DRGX: variants seen among roughly 807,000 people sequenced by gnomAD.
DRGX encodes the protein dorsal root ganglia homeobox protein.
In DRGX, 21 loss-of-function variants were observed where a neutral mutation model predicts 28.6. That is an observed-to-expected ratio of 0.73 (90% CI 0.52 to 1.06). The LOEUF (loss-of-function observed/expected upper bound fraction) is 1.06, where lower values mean the gene tolerates loss of function less well. DRGX is among the 50% of genes least tolerant of loss of function. The pLI is 0.00. For synonymous variants in DRGX, 136 were observed against 139.1 expected, an observed-to-expected ratio of 0.98 and a Z score of 0.16; for missense variants, 354 against 343.9, an observed-to-expected ratio of 1.03 and a Z score of -0.23.
In DRGX at chr10:49,395,477, G is replaced by A; in HGVS notation, c.-37C>T. ...AGATCGGCTGGACGGCCGAGACCTGGGAGGGTGGCAGCAGAACGGACCCGC... is the reference window on the plus strand; with the variant it reads ...AGATCGGCTGGACGGCCGAGACCTGAGAGGGTGGCAGCAGAACGGACCCGC... On this transcript the variant is annotated 5_prime_UTR_variant, in exon 2 of 7. Transcript: ENST00000374139. The A allele has an allele frequency of 6.5e-7, 1 of 1,549,322 alleles. No homozygotes were observed. The highest frequency in any genetic ancestry group is 1.2e-5 in the South Asian group (1 of 84,056).
At chr10:49,368,857 A>G (rs1199541869) in intron 6 of DRGX, among the ~76,000 whole-genome samples, 1 of 152,284 alleles carries the variant, frequency 6.6e-6, no homozygotes, top group Admixed American at 6.5e-5. Flanking sequence ...GTTAAAAAGA[A>G]GGAAGGCTAA....
rs1266101168 is a variant in DRGX at position 49,373,335 on chromosome 10, T to C, written c.527-6954A>G. 2.0e-5 allele frequency among the ~76,000 whole-genome samples: 3 copies of C among 152,098 alleles called. No homozygotes were observed. The East Asian group carries it at 5.8e-4, about 29-fold the overall frequency. ...TGAAATAAGACATTTAAAAAATAGGTAAAAGAGCAGTAAATAAACAATAAG... is the reference window on the plus strand; with the variant it reads ...TGAAATAAGACATTTAAAAAATAGGCAAAAGAGCAGTAAATAAACAATAAG... On this transcript the variant is annotated intron_variant, in intron 6 of 6. Coordinates refer to ENST00000374139, the MANE Select transcript of DRGX (RefSeq NM_001276451.2).
chr10:49,369,917 C>T (rs1849636845), intron 6 of DRGX, among the ~76,000 whole-genome samples: 1 of 152,042 alleles, frequency 6.6e-6, no homozygotes, highest in Non-Finnish European at 1.5e-5. Context: ...AGCTGCCAAA[C>T]ACTCACCCAG....
rs201682854 is a variant in DRGX, at chr10:49,366,305, G to A, written c.603C>T (p.Asn201=). Residue 201 remains asparagine, a synonymous_variant, in exon 7 of 7, where the codon AAC becomes AAT. Transcript: ENST00000374139. ...SFLPTYGCQS[N]RTASVATLRM... is the part of the protein sequence containing the mutation. ...GCAGGGTGGCCACGCTGGCCGTGCG[G>A]TTACTCTGGCAGCCATAGGTGGGAA... 7.4e-6 allele frequency: 12 copies of A among 1,613,922 alleles called. No homozygotes were observed. The highest frequency in any genetic ancestry group is 1.0e-5 in the Non-Finnish European group (12 of 1,179,844).
rs201807477 is a variant in DRGX, at chr10:49,366,267, C to T, written c.641G>A (p.Arg214His). 42 of 1,613,912 alleles carry T rather than the reference C, an allele frequency of 2.6e-5. No homozygotes were observed. The highest frequency in any genetic ancestry group is 3.1e-5 in the Non-Finnish European group (37 of 1,179,876). ...CTGCAGGACAGCTTCTGAGTGCTCG[C>T]GGGCCTTCATGCGCAGGGTGGCCAC... ...ASVATLRMKA[R>H]EHSEAVLQSA... The change falls in exon 7 of 7, where the codon CGC (arginine) becomes CAC (histidine). Residue 214 changes from arginine to histidine, a missense_variant. By Grantham distance (29) the Arg-to-His change is conservative. Coordinates refer to ENST00000374139, the MANE Select transcript of DRGX (RefSeq NM_001276451.2).
At chr10:49,368,278 T>C (rs1849619827) in intron 6 of DRGX, among the ~76,000 whole-genome samples, 1 of 152,214 alleles carries the variant, frequency 6.6e-6, no homozygotes, top group Admixed American at 6.5e-5. Context: ...TGTATTGTAA[T>C]GGGAGGTTTA....
At chr10:49,394,659 T>C (rs1849946166) in intron 2 of DRGX, among the ~76,000 whole-genome samples, 1 of 152,210 alleles carries the variant, frequency 6.6e-6, no homozygotes, top group African/African-American at 2.4e-5. Flanking sequence ...AACTGTCCCC[T>C]TCTCACCAAC....
chr10:49,382,533 TAAA>T (rs1849787919), intron 6 of DRGX, among the ~76,000 whole-genome samples: 1 of 152,128 alleles, frequency 6.6e-6, no homozygotes, highest in South Asian at 2.1e-4. Context: ...AGCTAGGACC[TAAA>T]AAATTGAGGT....
At chr10:49,395,795 A>C (rs1849962493) in intron 1 of DRGX, 140 bp downstream of exon 1, 2 of 351,238 alleles carry the variant, frequency 5.7e-6, no homozygotes, top group African/African-American at 4.4e-5. Flanking sequence ...TCCCAGCCAG[A>C]AGCCCTGCAC....
intron 6 of DRGX, among the ~76,000 whole-genome samples, chr10:49,384,774 G>A (rs571711005): frequency 5.3e-5 from 8 of 152,250 alleles, no homozygotes; most frequent in Admixed American, 3.3e-4. Flanking sequence ...CACTGCCCTC[G>A]GTCTCCCCAC....
chr10:49,392,551 G>A (rs986624301), intron 2 of DRGX, among the ~76,000 whole-genome samples: 1 of 151,996 alleles, frequency 6.6e-6, no homozygotes, highest in African/African-American at 2.4e-5. Flanking sequence ...GTCTTTTTTT[G>A]AAACAATGCA....
At chr10:49,374,532 A>G (rs1227078595) in intron 6 of DRGX, among the ~76,000 whole-genome samples, 3 of 152,202 alleles carry the variant, frequency 2.0e-5, no homozygotes, top group Non-Finnish European at 4.4e-5. Flanking sequence ...GCCTGAGAAC[A>G]TGCTACTACC....
In DRGX at chr10:49,366,042, G is replaced by T; in HGVS notation, c.*74C>A. ...CGCAGGCTTCTCCTTGCTATTTGGA[G>T]AGTTTTCTGTAGGGGCTGAGGCTGG... On this transcript the variant is annotated 3_prime_UTR_variant, in exon 7 of 7. Coordinates refer to ENST00000374139, the MANE Select transcript of DRGX (RefSeq NM_001276451.2). 1.4e-6 allele frequency: 2 copies of T among 1,467,488 alleles called. No homozygotes were observed. The highest frequency in any genetic ancestry group is 1.4e-5 in the South Asian group (1 of 70,112). The allele number at this position is 1,467,488 out of a possible 1,614,324, so 90.9% of individuals were successfully genotyped here.
At position 49,364,244 on chromosome 10, in the gene DRGX, GCA is replaced by G. The variant is rs1849573728; in HGVS notation, c.*1870_*1871del. The G allele has an allele frequency of 1.3e-5, 2 of 152,124 alleles. No individual in the cohort carries two copies. The highest frequency in any genetic ancestry group is 1.3e-4 in the Admixed American group (2 of 15,280). The allele number at this position is 152,124 out of a possible 1,614,324, so 9.4% of individuals were successfully genotyped here. ...AGACTTTTCGATATGATCCAGTTTT[GCA>G]CAGTCACTAGAGTGTCGCATCATGA... On this transcript the variant is annotated 3_prime_UTR_variant, in exon 7 of 7. Coordinates refer to ENST00000374139, the MANE Select transcript of DRGX (RefSeq NM_001276451.2).
At chr10:49,394,482 G>A (rs1299117850) in intron 2 of DRGX, among the ~76,000 whole-genome samples, 1 of 152,174 alleles carries the variant, frequency 6.6e-6, no homozygotes. Context: ...CAGTCCGACG[G>A]TTACAAAAGT....
In DRGX at chr10:49,390,175, T is replaced by A; in HGVS notation, c.192A>T (p.Glu64Asp). 1 of 1,613,278 alleles carries A rather than the reference T, an allele frequency of 6.2e-7. No homozygotes were observed. Among genetic ancestry groups the A allele is most frequent in the Non-Finnish European group, 8.5e-7 (1 of 1,179,648 alleles). The change falls in exon 4 of 7, where the codon GAA becomes GAT. Residue 64 changes from glutamate (E) to aspartate (D), a missense_variant. Physicochemically the swap from Glu to Asp is conservative, Grantham distance 45. Transcript: ENST00000374139. ...QTHYPDVFTR[E>D]ELAMKINLTE... Reference sequence around the variant, plus strand: ...TGAGGTTTATTTTCATGGCGAGCTCTTCTCTGGTGAAGACATCTGGATAGT... The same window carrying A: ...TGAGGTTTATTTTCATGGCGAGCTCATCTCTGGTGAAGACATCTGGATAGT...
chr10:49,377,595 AC>A (rs1339930641), intron 6 of DRGX, among the ~76,000 whole-genome samples: 2 of 152,208 alleles, frequency 1.3e-5, no homozygotes, highest in Admixed American at 1.3e-4. Flanking sequence ...GTATCCAACC[AC>A]CATTCAACCC....
chr10:49,388,417 G>T (rs888723946), intron 4 of DRGX, among the ~76,000 whole-genome samples: 3 of 152,216 alleles, frequency 2.0e-5, no homozygotes, highest in Admixed American at 1.3e-4. Context: ...CCTCTGCTGG[G>T]CTGGCCCACC....
At chr10:49,380,063 G>C (rs1206371383) in intron 6 of DRGX, among the ~76,000 whole-genome samples, 1 of 152,182 alleles carries the variant, frequency 6.6e-6, no homozygotes, top group East Asian at 1.9e-4. Flanking sequence ...TGGGGTTGAG[G>C]GTCCCCATCA....
Sources: gnomAD v4.1 joint callset for allele counts (sites outside exome capture counted in the v4.1 genomes callset) on GRCh38, gnomAD v4.1.1 for gene constraint, MANE v1.5 for transcripts, NCBI Gene and HGNC (gene_info 2026-07-23, HGNC 2026-07-21) for gene names.